Variants in KCNH8 observed in about 807,000 individuals in gnomAD.
The protein encoded by KCNH8 is voltage-gated delayed rectifier potassium channel KCNH8.
A neutral mutation model predicts 103.6 loss-of-function variants in KCNH8; 70 were observed. That is an observed-to-expected ratio of 0.68 (90% CI 0.56 to 0.82). The LOEUF is 0.82. KCNH8 is among the 40% of genes least tolerant of loss of function. The pLI, the probability that KCNH8 is intolerant of heterozygous loss-of-function variation, is 0.00. For synonymous variants in KCNH8, 498 were observed against 489.4 expected (o/e 1.02, Z -0.23); for missense variants, 1,217 against 1,329.9 (o/e 0.92, Z 1.32).
chr3:19,170,655 TATATAC>T (rs1352867914), intron 1 of KCNH8, among the ~76,000 whole-genome samples: 3 of 141,480 alleles, frequency 2.1e-5, no homozygotes, highest in African/African-American at 8.2e-5. Flanking sequence ...TACACACACA[TATATAC>T]ACACATATAT....
chr3:19,514,759 T>G (rs1484024549), intron 13 of KCNH8, among the ~76,000 whole-genome samples: 2 of 151,888 alleles, frequency 1.3e-5, no homozygotes, highest in Non-Finnish European at 2.9e-5. Flanking sequence ...AAATTTATTT[T>G]CTGTGATGCT....
At chr3:19,292,819 C>T (rs1443513005) in intron 3 of KCNH8, among the ~76,000 whole-genome samples, 1 of 152,144 alleles carries the variant, frequency 6.6e-6, no homozygotes, top group African/African-American at 2.4e-5. Flanking sequence ...AGCCAAGGGC[C>T]TCTTTCTATG....
rs182812594 is a variant in KCNH8 at position 19,474,751 on chromosome 3, C to T, written c.2040+17769C>T. The stretch of plus-strand genomic sequence containing the variant: ...CTGTTAAGATTAATGTCTTTGAAAG[C>T]GGAACATATGATGACTGATTCGTGT... On this transcript the variant is annotated intron_variant, in intron 11 of 15. Transcript: ENST00000328405. Among the ~76,000 whole-genome samples, 8 of 152,250 alleles carry T rather than the reference C, an allele frequency of 5.3e-5. No homozygotes were observed. In the East Asian group the frequency reaches 7.7e-4, roughly 15 times the overall value.
chr3:19,260,502 ATATATAT>A (rs1227061175), intron 2 of KCNH8, among the ~76,000 whole-genome samples: 3 of 106,680 alleles, frequency 2.8e-5, no homozygotes, highest in African/African-American at 1.3e-4. Flanking sequence ...ATATATATAT[ATATATAT>A]ATATATATAT....
intron 12 of KCNH8, among the ~76,000 whole-genome samples, chr3:19,512,509 C>A (rs935421703): frequency 6.6e-6 from 1 of 152,142 alleles, no homozygotes; most frequent in East Asian, 1.9e-4. Context: ...AAGAATAATG[C>A]AATTTTGCTG....
intron 11 of KCNH8, among the ~76,000 whole-genome samples, chr3:19,470,788 G>C (rs1449183366): frequency 6.6e-6 from 1 of 152,136 alleles, no homozygotes; most frequent in African/African-American, 2.4e-5. Flanking sequence ...TGGCATTATA[G>C]TTTGTCTCCA....
intron 1 of KCNH8, among the ~76,000 whole-genome samples, chr3:19,239,600 A>G (rs930465600): frequency 6.6e-6 from 1 of 152,004 alleles, no homozygotes; most frequent in South Asian, 2.1e-4. Context: ...CTAGTCTAGA[A>G]TTATTACCAG....
intron 1 of KCNH8, among the ~76,000 whole-genome samples, chr3:19,214,017 C>G (rs1173917472): frequency 1.3e-5 from 2 of 152,176 alleles, no homozygotes; most frequent in Non-Finnish European, 2.9e-5. Context: ...ACCTGGGCTT[C>G]TACCACCCCC....
chr3:19,287,656 G>C (rs1396350887), intron 3 of KCNH8, among the ~76,000 whole-genome samples: 1 of 152,048 alleles, frequency 6.6e-6, no homozygotes, highest in Non-Finnish European at 1.5e-5. Flanking sequence ...CACAATCTCG[G>C]CTCACTGCAA....
At chr3:19,199,630 T>A (rs2063637138) in intron 1 of KCNH8, among the ~76,000 whole-genome samples, 1 of 150,520 alleles carries the variant, frequency 6.6e-6, no homozygotes, top group South Asian at 2.1e-4. Context: ...CATATAAATA[T>A]ATATGTACAA....
chr3:19,241,275 T>A (rs1232505310), intron 1 of KCNH8, among the ~76,000 whole-genome samples: 1 of 152,156 alleles, frequency 6.6e-6, no homozygotes, highest in Non-Finnish European at 1.5e-5. Context: ...TATCCATAAT[T>A]CATTGACTCA....
chr3:19,170,810 AT>A (rs1163528137), intron 1 of KCNH8, among the ~76,000 whole-genome samples: 3,664 of 75,052 alleles, frequency 0.049, 97 homozygotes, highest in African/African-American at 0.099. Context: ...ATATATATAT[AT>A]TTTTTTTTTT....
chr3:19,379,759 G>C (rs1353705272), intron 5 of KCNH8, among the ~76,000 whole-genome samples: 2 of 152,168 alleles, frequency 1.3e-5, no homozygotes, highest in African/African-American at 4.8e-5. Context: ...AATTTTTGGA[G>C]CTATGCCTCA....
chr3:19,375,496 TA>T (rs2066180227), intron 5 of KCNH8, among the ~76,000 whole-genome samples: 1 of 150,226 alleles, frequency 6.7e-6, no homozygotes, highest in Admixed American at 6.6e-5. Context: ...TTATTCTAGT[TA>T]TACATTCTTC....
chr3:19,443,668 T>C (rs1275283821), intron 8 of KCNH8, among the ~76,000 whole-genome samples: 1 of 151,686 alleles, frequency 6.6e-6, no homozygotes, highest in African/African-American at 2.4e-5. Flanking sequence ...AATAAGTAAT[T>C]CTAATAGCTT....
rs540840873 is a variant in KCNH8 at position 19,476,689 on chromosome 3, A to G, written c.2040+19707A>G. On this transcript the variant is annotated intron_variant, in intron 11 of 15. Transcript: ENST00000328405. The stretch of plus-strand genomic sequence containing the variant: ...TAAGCTTGAAATCTTTAAAACTCTT[A>G]CATCATTGCTGAGAGATTTGTAGTC... Among the ~76,000 whole-genome samples, 3 of 152,222 alleles carry G rather than the reference A, an allele frequency of 2.0e-5. No homozygotes were observed. The East Asian group carries it at 5.8e-4, about 29-fold the overall frequency.
At chr3:19,498,893 GGGGGTCA>G (rs1201700450) in intron 11 of KCNH8, among the ~76,000 whole-genome samples, 1 of 152,112 alleles carries the variant, frequency 6.6e-6, no homozygotes, top group Non-Finnish European at 1.5e-5. Context: ...TAGGCTGCTT[GGGGGTCA>G]GGGGTCAGGG....
intron 3 of KCNH8, among the ~76,000 whole-genome samples, chr3:19,294,872 A>G (rs988664990): frequency 4.6e-5 from 7 of 152,162 alleles, no homozygotes; most frequent in Non-Finnish European, 8.8e-5. Flanking sequence ...CAGCCAGTCA[A>G]AATACTCTCG....
chr3:19,368,748 T>C (rs1489104316), intron 5 of KCNH8, among the ~76,000 whole-genome samples: 1 of 152,022 alleles, frequency 6.6e-6, no homozygotes, highest in Non-Finnish European at 1.5e-5. Context: ...TGTCTTGGAA[T>C]TGACTGCAAT....
Sources: allele counts gnomAD v4.1 joint callset (sites outside exome capture counted in the v4.1 genomes callset), GRCh38; gene constraint gnomAD v4.1.1; transcripts MANE v1.5; gene names NCBI Gene and HGNC (gene_info 2026-07-23, HGNC 2026-07-21).